The following CCDC73 variants were observed in gnomAD, a reference collection of about 807,000 sequenced individuals.
The protein encoded by CCDC73 is coiled-coil domain containing 73, also known as coiled-coil domain-containing protein 73.
Under a neutral mutation model 116.5 loss-of-function variants are expected in CCDC73, and 95 were observed. That is an observed-to-expected ratio of 0.82 (90% CI 0.69 to 0.97). The LOEUF (loss-of-function observed/expected upper bound fraction) is 0.97, where lower values mean the gene tolerates loss of function less well. Among genes scored for constraint, CCDC73 ranks in the 50% least tolerant of loss-of-function variants. The pLI is 0.00. For missense variants in CCDC73, 1,066 were observed against 1,206.8 expected (o/e 0.88, Z 1.73); for synonymous variants, 398 against 401.3 (o/e 0.99, Z 0.10).
Position 32,718,166 on chromosome 11 carries a change from G to GA in CCDC73, c.136-20dup. 8.5e-6 allele frequency: 13 copies of GA among 1,525,744 alleles called. No individual in the cohort carries two copies. The highest frequency in any genetic ancestry group is 1.2e-5 in the Non-Finnish European group (13 of 1,116,302). 94.5% of individuals were successfully genotyped at this position (1,525,744 alleles called of 1,614,324 possible). ...CTGCTTCCTAAGTCAAAAAGAAAAA[G>GA]AAAAGTGCTATAAAAATAAAGACTT... On this transcript the variant is annotated intron_variant, in intron 2 of 17. Coordinates refer to ENST00000335185, the MANE Select transcript of CCDC73 (RefSeq NM_001008391.4).
intron 5 of CCDC73, among the ~76,000 whole-genome samples, chr11:32,700,420 T>C (rs1294264424): frequency 6.6e-6 from 1 of 152,198 alleles, no homozygotes; most frequent in Non-Finnish European, 1.5e-5. Context: ...AGTAGTTCCA[T>C]TGAAAAAGCA....
chr11:32,689,016 C>T (rs963260223), intron 6 of CCDC73, among the ~76,000 whole-genome samples: 1 of 151,984 alleles, frequency 6.6e-6, no homozygotes, highest in Admixed American at 6.6e-5. Context: ...GGCACAAAGC[C>T]AAGGGATCTA....
At chr11:32,603,745 GT>G (rs1278333521) in intron 17 of CCDC73, 1 of 152,166 alleles carries the variant, frequency 6.6e-6, no homozygotes, top group African/African-American at 2.4e-5. Context: ...AATCTTTGAT[GT>G]TTTTGAGAGA....
At chr11:32,697,453 C>T (rs1432550518) in intron 6 of CCDC73, among the ~76,000 whole-genome samples, 1 of 149,866 alleles carries the variant, frequency 6.7e-6, no homozygotes, top group East Asian at 2.0e-4. Flanking sequence ...TCACATATTA[C>T]AGCACTTGGT....
At chr11:32,802,909 T>G in the CCDC73 span, among the ~76,000 whole-genome samples, 18 of 151,288 alleles carry the variant, frequency 1.2e-4, no homozygotes, top group Admixed American at 2.0e-4. Flanking sequence ...TGCACCACCA[T>G]GCCCAGCTAA....
chr11:32,662,195 T>C (rs1319690451), intron 9 of CCDC73, among the ~76,000 whole-genome samples: 1 of 152,242 alleles, frequency 6.6e-6, no homozygotes, highest in Non-Finnish European at 1.5e-5. Flanking sequence ...TTTGGGTATA[T>C]ACCCAGTAAT....
At chr11:32,605,729 CTAA>C (rs1160428195) in intron 17 of CCDC73, 1 of 151,782 alleles carries the variant, frequency 6.6e-6, no homozygotes, top group Non-Finnish European at 1.5e-5. Flanking sequence ...TGTAGATTAG[CTAA>C]TGTTTGCGCT....
At chr11:32,733,805 C>G (rs918939447) in intron 2 of CCDC73, among the ~76,000 whole-genome samples, 3 of 152,030 alleles carry the variant, frequency 2.0e-5, no homozygotes, top group African/African-American at 7.3e-5. Context: ...TAAATGCCCA[C>G]AAGAGAAAGC....
At position 32,614,906 on chromosome 11, in the gene CCDC73, A is replaced by G. The variant is rs777183659; in HGVS notation, c.1412T>C (p.Ile471Thr). 1.3e-5 allele frequency: 21 copies of G among 1,606,536 alleles called. No individual in the cohort carries two copies. The African/African-American group carries it at 1.6e-4, about 12-fold the overall frequency. The stretch of plus-strand genomic sequence containing the variant: ...TTCATCCTGAGAAACAACAGTATCA[A>G]TTTCATTCTTGAAGCTTTTTTCAAA... Reference protein sequence around the residue: ...QLFEKSFKNEIDTVVSQDENQ... With the variant: ...QLFEKSFKNETDTVVSQDENQ... The change falls in exon 16 of 18, where the codon ATT (isoleucine) becomes ACT (threonine). Residue 471 changes from isoleucine (I) to threonine (T), a missense_variant. Transcript: ENST00000335185.
At chr11:32,712,619 A>G (rs1849910047) in intron 3 of CCDC73, among the ~76,000 whole-genome samples, 1 of 151,972 alleles carries the variant, frequency 6.6e-6, no homozygotes, top group Admixed American at 6.6e-5. Context: ...CTCATTGCTT[A>G]TTTCTCTTTA....
intron 1 of CCDC73, among the ~76,000 whole-genome samples, chr11:32,776,934 A>AT (rs1554970176): frequency 1.7e-3 from 51 of 30,188 alleles, no homozygotes; most frequent in South Asian, 2.5e-3. Context: ...TTAAAAAAAA[A>AT]AAATATATAT....
chr11:32,611,315 C>T (rs778143121), intron 16 of CCDC73, 50 bp from the exon 17 acceptor site: 42 of 1,514,118 alleles, frequency 2.8e-5, no homozygotes, highest in Admixed American at 9.2e-5. Flanking sequence ...TCTAGGTACT[C>T]ATTTTAGTGA....
chr11:32,665,711 A>G (rs928606125), intron 9 of CCDC73, among the ~76,000 whole-genome samples: 5 of 152,070 alleles, frequency 3.3e-5, no homozygotes, highest in Admixed American at 1.3e-4. Context: ...ATGATGTTAG[A>G]TGGTTATTTT....
rs759122829 is a variant in CCDC73, at chr11:32,777,099, C to CTT, written c.-15-16843_-15-16842dup. On this transcript the variant is annotated intron_variant, in intron 1 of 17. Transcript: ENST00000335185. The stretch of plus-strand genomic sequence containing the variant: ...TCTGTATGTAATCTTTTTTTTCTTT[C>CTT]TTTTTTTTTTTTTTTTTGAGACGGA... 1.4e-3 allele frequency among the ~76,000 whole-genome samples: 146 copies of CTT among 106,808 alleles called. 1 individual carries two copies. Among genetic ancestry groups the CTT allele is most frequent in the African/African-American group, 2.6e-3 (76 of 28,996 alleles). The allele number at this position is 106,808 out of a possible 152,430, so 70.1% of individuals were successfully genotyped here.
intron 12 of CCDC73, among the ~76,000 whole-genome samples, chr11:32,646,121 T>C (rs770618849): frequency 6.6e-6 from 1 of 152,204 alleles, no homozygotes; most frequent in Non-Finnish European, 1.5e-5. Flanking sequence ...AACAGTGCAC[T>C]AGCAATATCA....
intron 13 of CCDC73, among the ~76,000 whole-genome samples, chr11:32,636,145 C>T (rs1855675269): frequency 6.6e-6 from 1 of 152,120 alleles, no homozygotes. Flanking sequence ...AATTCCAAAG[C>T]TAAATCTGAG....
At chr11:32,812,532 G>C in the CCDC73 span, among the ~76,000 whole-genome samples, 1 of 152,196 alleles carries the variant, frequency 6.6e-6, no homozygotes, top group Non-Finnish European at 1.5e-5. Context: ...AGCCAGATGT[G>C]GTGGTGCATG....
intron 9 of CCDC73, among the ~76,000 whole-genome samples, chr11:32,663,383 G>A (rs531650794): frequency 1.3e-5 from 2 of 152,260 alleles, no homozygotes; most frequent in South Asian, 4.1e-4. Flanking sequence ...AGCACTCCTT[G>A]AAGAGGTCCT....
chr11:32,820,241 T>A, the CCDC73 span, among the ~76,000 whole-genome samples: 1 of 151,968 alleles, frequency 6.6e-6, no homozygotes, highest in Non-Finnish European at 1.5e-5. Flanking sequence ...GCAGCCTCGA[T>A]CTCCCAGGCT....
Sources: gnomAD v4.1 joint callset for allele counts (sites outside exome capture counted in the v4.1 genomes callset) on GRCh38, gnomAD v4.1.1 for gene constraint, MANE v1.5 for transcripts, NCBI Gene and HGNC (gene_info 2026-07-23, HGNC 2026-07-21) for gene names.